The following CEP120 variants were observed in gnomAD, a reference collection of about 807,000 sequenced individuals.
CEP120 encodes centrosomal protein 120, also known as centrosomal protein of 120 kDa.
A neutral mutation model predicts 126.5 loss-of-function variants in CEP120; 113 were observed. That is an observed-to-expected ratio of 0.89 (90% confidence interval 0.77 to 1.04). The LOEUF is 1.04. CEP120 is among the 50% of genes least tolerant of loss of function. The pLI is 0.00. For missense variants in CEP120, 1,230 were observed against 1,155.7 expected, an observed-to-expected ratio of 1.06 and a Z score of -0.93; for synonymous variants, 400 against 394.3, an observed-to-expected ratio of 1.01 and a Z score of -0.17.
chr5:123,371,455 G>GC (rs1218534438), intron 17 of CEP120, among the ~76,000 whole-genome samples: 3 of 151,996 alleles, frequency 2.0e-5, no homozygotes, highest in Non-Finnish European at 4.4e-5. Flanking sequence ...AGAAAGACTT[G>GC]CCCCCATGTT....
Position 123,345,820 on chromosome 5 carries a change from A to AAAC in CEP120, c.*696_*698dup, listed in dbSNP as rs1314535804. 6.6e-6 allele frequency: 1 copy of AAAC among 152,204 alleles called. No individual in the cohort carries two copies. The highest frequency in any genetic ancestry group is 1.5e-5 in the Non-Finnish European group (1 of 68,038). 9.4% of individuals were successfully genotyped at this position (152,204 alleles called of 1,614,324 possible). On this transcript the variant is annotated 3_prime_UTR_variant, in exon 20 of 20. Coordinates refer to ENST00000306467, the MANE Select transcript of CEP120 (RefSeq NM_001375405.1). ...AGAAATCTCTAATTTTAACAAAAGA[A>AAAC]AACAATGCAAACTTGAGGAAGAAAC...
At chr5:123,366,428 A>C (rs1770463152) in intron 17 of CEP120, among the ~76,000 whole-genome samples, 1 of 151,852 alleles carries the variant, frequency 6.6e-6, no homozygotes, top group Non-Finnish European at 1.5e-5. Flanking sequence ...CCTACAGTCC[A>C]TTCAGAGGCT....
chr5:123,364,696 A>G (rs747391131), intron 17 of CEP120, 102 bp from the exon 18 acceptor site: 1 of 524,518 alleles, frequency 1.9e-6, no homozygotes, highest in Non-Finnish European at 3.3e-6. Flanking sequence ...AAGAGTTTAT[A>G]CAGTGTAACA....
At chr5:123,401,057 G>GC in intron 4 of CEP120, 1 of 1,562,278 alleles carries the variant, frequency 6.4e-7, no homozygotes, top group Non-Finnish European at 8.7e-7. Context: ...GGCTTGTGAG[G>GC]CCCCCACAGG....
At chr5:123,417,734 A>C (rs1351291369) in intron 2 of CEP120, among the ~76,000 whole-genome samples, 1 of 151,622 alleles carries the variant, frequency 6.6e-6, no homozygotes, top group Non-Finnish European at 1.5e-5. Flanking sequence ...AAACCCAAAC[A>C]GCTCAGTGTA....
chr5:123,417,680 G>A (rs1397367305), intron 2 of CEP120, among the ~76,000 whole-genome samples: 1 of 151,068 alleles, frequency 6.6e-6, no homozygotes, highest in African/African-American at 2.4e-5. Flanking sequence ...TATCATCAAG[G>A]TATTTCTAGA....
chr5:123,390,721 C>T (rs1023520130), intron 7 of CEP120, among the ~76,000 whole-genome samples: 1 of 152,112 alleles, frequency 6.6e-6, no homozygotes, highest in African/African-American at 2.4e-5. Context: ...ATGAGGACTA[C>T]AAAGCACTAA....
intron 4 of CEP120, chr5:123,402,106 C>T (rs2127099250): frequency 4.4e-6 from 7 of 1,575,052 alleles, no homozygotes; most frequent in Non-Finnish European, 6.1e-6. Flanking sequence ...TCGGGGTCCA[C>T]CTCCAGGACA....
intron 4 of CEP120, among the ~76,000 whole-genome samples, chr5:123,407,603 C>A (rs943709197): frequency 1.3e-5 from 2 of 152,094 alleles, no homozygotes; most frequent in African/African-American, 4.8e-5. Context: ...AACAGAGCTG[C>A]AAGGAGAAAT....
At chr5:123,348,537 A>G (rs554226614) in intron 19 of CEP120, among the ~76,000 whole-genome samples, 1 of 152,368 alleles carries the variant, frequency 6.6e-6, no homozygotes, top group East Asian at 1.9e-4. Context: ...CACGGTCCTT[A>G]AAGCTGACCT....
chr5:123,412,617 A>G, intron 3 of CEP120, 77 bp from the exon 4 acceptor site: 1 of 1,011,618 alleles, frequency 9.9e-7, no homozygotes, highest in Non-Finnish European at 1.3e-6. Context: ...ATACAGTTCT[A>G]AATAAATTTA....
intron 18 of CEP120, among the ~76,000 whole-genome samples, chr5:123,361,479 G>A (rs1456584761): frequency 6.6e-6 from 1 of 151,828 alleles, no homozygotes; most frequent in Non-Finnish European, 1.5e-5. Flanking sequence ...AACTACAGAT[G>A]TTTCTTCATC....
intron 4 of CEP120, among the ~76,000 whole-genome samples, chr5:123,407,512 G>A (rs963301881): frequency 2.0e-5 from 3 of 152,134 alleles, no homozygotes; most frequent in African/African-American, 7.2e-5. Context: ...TGATGATAAA[G>A]GAGTCAATTC....
chr5:123,416,148 A>G (rs1190957637), intron 2 of CEP120, 24 bp from the exon 3 acceptor site: 2 of 1,428,000 alleles, frequency 1.4e-6, no homozygotes, highest in South Asian at 2.4e-5. Context: ...TGTGATAAAT[A>G]AAATGGTTTT....
In CEP120 at chr5:123,391,135, A is replaced by G; in HGVS notation, c.1013T>C (p.Leu338Pro). The change falls in exon 7 of 20, where the codon CTG becomes CCG. Residue 338 changes from leucine to proline, a missense_variant. Coordinates refer to ENST00000306467, the MANE Select transcript of CEP120 (RefSeq NM_001375405.1). ...LAPTVGVSVALQREGIDSQSL... is the reference protein window; with the variant it reads ...LAPTVGVSVAPQREGIDSQSL... The stretch of plus-strand genomic sequence containing the variant: ...CTGGGAGTCTATGCCTTCTCTCTGC[A>G]GAGCCACAGACACTCCCACAGTTGG... 6.2e-7 allele frequency: 1 copy of G among 1,614,054 alleles called. No individual in the cohort carries two copies. Among genetic ancestry groups the G allele is most frequent in the Non-Finnish European group, 8.5e-7 (1 of 1,179,944 alleles).
Position 123,364,630 on chromosome 5 carries a change from A to G in CEP120, c.2482-36T>C, listed in dbSNP as rs1273072083. ...TTAAAATCATATCAAGTGAAACACT[A>G]TACCACTGTGTACAACCACTGAAAG... On this transcript the variant is annotated intron_variant, in intron 17 of 19. Coordinates refer to ENST00000306467, the MANE Select transcript of CEP120 (RefSeq NM_001375405.1). 11 of 1,276,504 alleles carry G rather than the reference A, an allele frequency of 8.6e-6. No individual in the cohort carries two copies. The East Asian group carries it at 2.4e-4, about 27-fold the overall frequency. 79.1% of individuals were successfully genotyped at this position (1,276,504 alleles called of 1,614,324 possible).
chr5:123,421,864 T>A (rs929032074), intron 1 of CEP120, among the ~76,000 whole-genome samples: 8 of 152,184 alleles, frequency 5.3e-5, no homozygotes, highest in Non-Finnish European at 1.0e-4. Context: ...GCTTTTCTGG[T>A]CAGTCTCTTG....
rs1768762739 is a variant in CEP120 at position 123,345,699 on chromosome 5, C to G, written c.*820G>C. The G allele has an allele frequency of 6.6e-6, 1 of 152,002 alleles. No individual in the cohort carries two copies. Among genetic ancestry groups the G allele is most frequent in the Admixed American group, 6.6e-5 (1 of 15,228 alleles). 9.4% of individuals were successfully genotyped at this position (152,002 alleles called of 1,614,324 possible). A position where few individuals can be genotyped will look rare whatever the true frequency, so the allele number is the denominator to read the frequency against. ...GAGTAAAAAATAGTTGATTTTCACT[C>G]TATTTTTTCAGCTAATGTCTTTATG... On this transcript the variant is annotated 3_prime_UTR_variant, in exon 20 of 20. Transcript: ENST00000306467.
chr5:123,379,315 T>C (rs1046037537), intron 14 of CEP120, among the ~76,000 whole-genome samples: 1 of 152,116 alleles, frequency 6.6e-6, no homozygotes, highest in Non-Finnish European at 1.5e-5. Flanking sequence ...TTTATACATA[T>C]TGCTTTCCTG....
Sources: allele counts gnomAD v4.1 joint callset (sites outside exome capture counted in the v4.1 genomes callset), GRCh38; gene constraint gnomAD v4.1.1; transcripts MANE v1.5; gene names NCBI Gene and HGNC (gene_info 2026-07-23, HGNC 2026-07-21).